AKT3: variants seen among roughly 807,000 people sequenced by gnomAD.
AKT3 encodes AKT serine/threonine kinase 3.
Under a neutral mutation model 65.3 loss-of-function variants are expected in AKT3, and 15 were observed. The observed-to-expected ratio is 0.23, with a 90% CI of 0.15 to 0.35. The LOEUF (loss-of-function observed/expected upper bound fraction) is 0.35. Among genes scored for constraint, AKT3 ranks in the 10% least tolerant of loss-of-function variants. The probability of loss-of-function intolerance (pLI) is 1.00; values close to 1 mark genes in which losing one functional copy is unlikely to be tolerated. For synonymous variants in AKT3, 206 were observed against 183.8 expected, an observed-to-expected ratio of 1.12 and a Z score of -0.98; for missense variants, 243 against 576.5, an observed-to-expected ratio of 0.42 and a Z score of 5.92.
chr1:243,512,889 A>G lies in AKT3; in HGVS notation c.1252-463T>C, dbSNP rs567142453. On this transcript the variant is annotated intron_variant, in intron 12 of 13. Coordinates refer to ENST00000673466, the MANE Select transcript of AKT3 (RefSeq NM_005465.7). ...GAGAGTGCTGCCTTTGCCCTTCGTAAAGAACTACAACTTTGTACTTTGCTA... is the reference window on the plus strand; with the variant it reads ...GAGAGTGCTGCCTTTGCCCTTCGTAGAGAACTACAACTTTGTACTTTGCTA... Among the ~76,000 whole-genome samples, 29 of 152,304 alleles carry G rather than the reference A, an allele frequency of 1.9e-4. No homozygotes were observed. The South Asian group carries it at 5.2e-3, about 27-fold the overall frequency.
intron 2 of AKT3, among the ~76,000 whole-genome samples, chr1:243,797,149 T>G (rs925412559): frequency 6.6e-6 from 1 of 151,904 alleles, no homozygotes; most frequent in Non-Finnish European, 1.5e-5. Context: ...TATATTTTAC[T>G]ACAACCTAAA....
chr1:243,685,146 CTTTAG>C (rs1684199425), intron 3 of AKT3, among the ~76,000 whole-genome samples: 2 of 152,124 alleles, frequency 1.3e-5, no homozygotes, highest in African/African-American at 4.8e-5. Context: ...TGCAGAATCT[CTTTAG>C]TTTAATTAAA....
chr1:243,514,877 A>G (rs1013059606), intron 12 of AKT3, among the ~76,000 whole-genome samples: 2 of 152,216 alleles, frequency 1.3e-5, no homozygotes, highest in Non-Finnish European at 2.9e-5. Flanking sequence ...ACATATGTAT[A>G]TACCCATGAA....
Position 243,683,623 on chromosome 1 carries a change from G to C in AKT3, c.172+11968C>G, listed in dbSNP as rs189912968. Among the ~76,000 whole-genome samples the C allele has an allele frequency of 1.4e-4, 21 of 152,190 alleles. No individual in the cohort carries two copies. The East Asian group carries it at 4.0e-3, about 29-fold the overall frequency. The stretch of plus-strand genomic sequence containing the variant: ...AAGCACCTATCAACAAGTAATAGTT[G>C]ATTGCTGACCTTCGAAAAAGTTGAG... On this transcript the variant is annotated intron_variant, in intron 3 of 13. Coordinates refer to ENST00000673466, the MANE Select transcript of AKT3 (RefSeq NM_005465.7).
rs931345244 is a variant in AKT3, at chr1:243,503,218, G to A, written c.*2031C>T. 7 of 233,518 alleles carry A rather than the reference G, an allele frequency of 3.0e-5. No homozygotes were observed. The highest frequency in any genetic ancestry group is 5.1e-5 in the Non-Finnish European group (6 of 118,032). The allele number at this position is 233,518 out of a possible 1,614,324, so 14.5% of individuals were successfully genotyped here. ...TAGAAATATGAAAAAGAAGGATAAC[G>A]TTGATGTCTGAATATGTCTTAGCTG... is the stretch of plus-strand genomic sequence containing the variant. On this transcript the variant is annotated 3_prime_UTR_variant, in exon 14 of 14. Coordinates refer to ENST00000673466, the MANE Select transcript of AKT3 (RefSeq NM_005465.7).
intron 1 of AKT3, 147 bp from the exon 2 acceptor site, chr1:243,843,429 A>C: frequency 9.1e-7 from 1 of 1,100,216 alleles, no homozygotes; most frequent in Non-Finnish European, 1.2e-6. Flanking sequence ...TTATTTATTA[A>C]ATAGTTCTAT....
intron 8 of AKT3, among the ~76,000 whole-genome samples, chr1:243,607,200 T>C (rs1677494409): frequency 6.6e-6 from 1 of 152,124 alleles, no homozygotes; most frequent in Non-Finnish European, 1.5e-5. Context: ...AGGGTCACTG[T>C]CCTCCAGACC....
chr1:243,626,667 T>A (rs1195188624), intron 6 of AKT3, among the ~76,000 whole-genome samples: 1 of 152,200 alleles, frequency 6.6e-6, no homozygotes, highest in Non-Finnish European at 1.5e-5. Context: ...GTTCCTGACA[T>A]AGAATTCAGT....
intron 13 of AKT3, among the ~76,000 whole-genome samples, chr1:243,510,810 G>C (rs965043342): frequency 5.9e-5 from 9 of 152,238 alleles, no homozygotes; most frequent in African/African-American, 2.2e-4. Flanking sequence ...TTAAGCAGAG[G>C]AATGATGTGG....
chr1:243,540,615 A>C (rs1288080665), intron 12 of AKT3, among the ~76,000 whole-genome samples: 2 of 152,156 alleles, frequency 1.3e-5, no homozygotes, highest in Admixed American at 6.5e-5. Context: ...CAAAACAAAG[A>C]AATTAACATC....
At chr1:243,640,881 T>C (rs887579988) in intron 5 of AKT3, among the ~76,000 whole-genome samples, 3 of 152,084 alleles carry the variant, frequency 2.0e-5, no homozygotes, top group African/African-American at 4.8e-5. Context: ...GAGTGTCAAT[T>C]TGATTGTATT....
chr1:243,722,754 C>G (rs928023944), intron 2 of AKT3, among the ~76,000 whole-genome samples: 2 of 152,062 alleles, frequency 1.3e-5, no homozygotes, highest in Admixed American at 6.6e-5. Context: ...AAAGAAATAC[C>G]ATGGCAAATT....
downstream of AKT3, among the ~76,000 whole-genome samples, chr1:243,498,177 C>T (rs760076296): frequency 2.6e-5 from 4 of 152,176 alleles, no homozygotes; most frequent in Non-Finnish European, 4.4e-5. Context: ...TGGGTCAGTT[C>T]GATCACCTGG....
intron 2 of AKT3, among the ~76,000 whole-genome samples, chr1:243,714,499 A>G (rs1195966626): frequency 6.6e-6 from 1 of 152,220 alleles, no homozygotes; most frequent in African/African-American, 2.4e-5. Flanking sequence ...ATAATTTTTC[A>G]GAAAGATCAC....
chr1:243,747,622 A>C (rs1286173122), intron 2 of AKT3, among the ~76,000 whole-genome samples: 1 of 152,202 alleles, frequency 6.6e-6, no homozygotes, highest in Non-Finnish European at 1.5e-5. Flanking sequence ...TTAAAGGGAG[A>C]TATCTTCAAT....
At chr1:243,550,539 A>G (rs1233481132) in intron 11 of AKT3, among the ~76,000 whole-genome samples, 2 of 152,084 alleles carry the variant, frequency 1.3e-5, no homozygotes, top group African/African-American at 4.8e-5. Context: ...CCACTTATAT[A>G]AAGAGGGCCA....
At chr1:243,807,293 G>A (rs973941236) in intron 2 of AKT3, among the ~76,000 whole-genome samples, 1 of 152,196 alleles carries the variant, frequency 6.6e-6, no homozygotes, top group Non-Finnish European at 1.5e-5. Flanking sequence ...GCCAAGTGAA[G>A]GGGTGACAAA....
At chr1:243,730,779 A>T (rs1029873654) in intron 2 of AKT3, among the ~76,000 whole-genome samples, 3 of 152,182 alleles carry the variant, frequency 2.0e-5, no homozygotes, top group Non-Finnish European at 2.9e-5. Flanking sequence ...GGCGTCCCCA[A>T]GTTTTTAGGT....
intron 5 of AKT3, among the ~76,000 whole-genome samples, chr1:243,642,592 A>C (rs1316374130): frequency 3.9e-5 from 6 of 152,304 alleles, no homozygotes; most frequent in South Asian, 4.1e-4. Flanking sequence ...TACAGGCGTG[A>C]GCCACCACGC....
Sources: allele counts gnomAD v4.1 joint callset (sites outside exome capture counted in the v4.1 genomes callset), GRCh38; gene constraint gnomAD v4.1.1; transcripts MANE v1.5; gene names NCBI Gene and HGNC (gene_info 2026-07-23, HGNC 2026-07-21).